The following CDH26 variants were observed in gnomAD, a reference collection of about 807,000 sequenced individuals.
CDH26 encodes the protein cadherin-like protein 26.
A neutral mutation model predicts 90.3 loss-of-function variants in CDH26; 83 were observed. That is an observed-to-expected ratio of 0.92 (90% CI 0.77 to 1.10). The LOEUF (loss-of-function observed/expected upper bound fraction) is 1.10. CDH26 is among the 50% of genes least tolerant of loss of function. The pLI is 0.00. For missense variants in CDH26, 1,013 were observed against 1,037.6 expected (o/e 0.98, Z 0.33); for synonymous variants, 397 against 396.3 (o/e 1.00, Z -0.02).
intron 7 of CDH26, among the ~76,000 whole-genome samples, chr20:59,985,552 A>T (rs571481340): frequency 1.3e-5 from 2 of 152,224 alleles, no homozygotes; most frequent in South Asian, 4.1e-4. Flanking sequence ...GGCCGGAGCT[A>T]TTTATGAGGG....
intron 14 of CDH26, among the ~76,000 whole-genome samples, chr20:60,000,319 C>T (rs1019207252): frequency 4.5e-4 from 69 of 152,328 alleles, no homozygotes; most frequent in African/African-American, 1.6e-3. Flanking sequence ...GTAGCTAAAT[C>T]TTCCATTCTA....
At position 60,006,807 on chromosome 20, in the gene CDH26, T is replaced by C. The variant is rs199891612; in HGVS notation, c.2295+20T>C. 6.3e-7 allele frequency: 1 copy of C among 1,589,496 alleles called. No homozygotes were observed. ...AATCAGGTAGGGAGAGCTCCCCTTGTGCTGTGCACTAGCTATGGGTTTTGC... is the reference window on the plus strand; with the variant it reads ...AATCAGGTAGGGAGAGCTCCCCTTGCGCTGTGCACTAGCTATGGGTTTTGC... On this transcript the variant is annotated intron_variant, in intron 17 of 17. Transcript: ENST00000348616.
At chr20:60,021,857 C>CACACACACACACACACAT (rs2061954836) in intron 7 of CDH26, among the ~76,000 whole-genome samples, 2 of 69,728 alleles carry the variant, frequency 2.9e-5, no homozygotes, top group African/African-American at 4.7e-5. Flanking sequence ...TGTACACACA[C>CACACACACACACACACAT]ACACACACAC....
At chr20:59,960,132 T>C (rs2061048823) in intron 1 of CDH26, among the ~76,000 whole-genome samples, 1 of 152,150 alleles carries the variant, frequency 6.6e-6, no homozygotes, top group African/African-American at 2.4e-5. Context: ...TTGGATCAAG[T>C]TGAACTTACC....
chr20:59,978,559 A>G (rs2145980604), intron 4 of CDH26, among the ~76,000 whole-genome samples: 1 of 152,006 alleles, frequency 6.6e-6, no homozygotes, highest in African/African-American at 2.4e-5. Context: ...CTTTTTGTAA[A>G]GGTGGGGTTT....
rs2061522926 is a variant in CDH26, at chr20:59,991,168, C to A, written c.1284-1210C>A. Among the ~76,000 whole-genome samples, 4 of 152,292 alleles carry A rather than the reference C, an allele frequency of 2.6e-5. No homozygotes were observed. In the South Asian group the frequency reaches 8.3e-4, roughly 32 times the overall value. ...ATTTCTAAGAAGCTCCCAAGGGTGC[C>A]CATGATGCTGGCTGGGGATCCCTTT... On this transcript the variant is annotated intron_variant, in intron 9 of 17. Transcript: ENST00000348616.
intron 4 of CDH26, among the ~76,000 whole-genome samples, chr20:59,973,714 G>A (rs567749606): frequency 6.6e-6 from 1 of 152,296 alleles, no homozygotes; most frequent in East Asian, 1.9e-4. Context: ...TTCCTGCAAA[G>A]GACATAATCC....
intron 4 of CDH26, among the ~76,000 whole-genome samples, chr20:59,974,987 C>A (rs997876762): frequency 6.6e-6 from 1 of 152,012 alleles, no homozygotes; most frequent in Non-Finnish European, 1.5e-5. Context: ...CTGCCATTGC[C>A]CCAGGGTCAA....
chr20:60,034,172 CAG>C (rs1033361861), downstream of CDH26, among the ~76,000 whole-genome samples: 7 of 152,282 alleles, frequency 4.6e-5, no homozygotes, highest in East Asian at 1.9e-4. Flanking sequence ...AACCCTGGGA[CAG>C]AGAGTGTCTC....
In CDH26 at chr20:60,006,890, G is replaced by A. The variant is rs138451752; in HGVS notation, c.2295+103G>A. 1.1e-5 allele frequency: 9 copies of A among 819,356 alleles called. No individual in the cohort carries two copies. In the Admixed American group the frequency reaches 1.3e-4, roughly 12 times the overall value. The allele number at this position is 819,356 out of a possible 1,614,324, so 50.8% of individuals were successfully genotyped here. A position where few individuals can be genotyped will look rare whatever the true frequency, so the allele number is the denominator to read the frequency against. On this transcript the variant is annotated intron_variant, in intron 17 of 17. Coordinates refer to ENST00000348616, the MANE Select transcript of CDH26 (RefSeq NM_177980.4). The stretch of plus-strand genomic sequence containing the variant: ...CACTTCCTCCTAAATCACTGCATTA[G>A]TCAGCTAAGGCTGCCATAATAAAAT...
intron 7 of CDH26, among the ~76,000 whole-genome samples, chr20:60,019,707 T>C (rs997760892): frequency 6.6e-6 from 1 of 152,220 alleles, no homozygotes; most frequent in African/African-American, 2.4e-5. Flanking sequence ...TGTTTCCTTA[T>C]AATTGGGGTC....
chr20:60,034,743 C>T (rs2062070841), downstream of CDH26, among the ~76,000 whole-genome samples: 1 of 152,226 alleles, frequency 6.6e-6, no homozygotes, highest in African/African-American at 2.4e-5. Context: ...TTGTCGGAGA[C>T]TGGAGCCAAG....
intron 1 of CDH26, among the ~76,000 whole-genome samples, chr20:59,961,938 T>G (rs537001372): frequency 1.1e-4 from 17 of 152,218 alleles, no homozygotes; most frequent in South Asian, 4.1e-4. Context: ...TTTTTTGTTG[T>G]TGGTGGTGGT....
Position 59,994,492 on chromosome 20 carries a change from G to A in CDH26, c.1666+3G>A, listed in dbSNP as rs746009878. ...ATGGAAGTTGGGGAGAAATTGGGGT[G>A]AGTTTTTGTATTGGTTACGGGCAAA... is the stretch of plus-strand genomic sequence containing the variant. On this transcript the variant is annotated splice_donor_region_variant and intron_variant, in intron 11 of 17. Transcript: ENST00000348616. 7.4e-6 allele frequency: 12 copies of A among 1,613,648 alleles called. No homozygotes were observed. Among genetic ancestry groups the A allele is most frequent in the South Asian group, 1.1e-5 (1 of 91,050 alleles).
chr20:60,021,922 A>AT (rs2061961911), intron 7 of CDH26, among the ~76,000 whole-genome samples: 2 of 142,746 alleles, frequency 1.4e-5, no homozygotes, highest in Non-Finnish European at 3.1e-5. Flanking sequence ...ATATATCCTG[A>AT]CTATTTTCAT....
chr20:59,970,654 C>T (rs1439843250), intron 3 of CDH26, among the ~76,000 whole-genome samples: 4 of 151,462 alleles, frequency 2.6e-5, no homozygotes, highest in Non-Finnish European at 5.9e-5. Context: ...ACTAAAAATA[C>T]AAAAAATTAA....
In CDH26 at chr20:60,030,134, A is replaced by T. The variant is rs1312208962; in HGVS notation, c.948-1097A>T. Among the ~76,000 whole-genome samples, 4 of 152,204 alleles carry T rather than the reference A, an allele frequency of 2.6e-5. No homozygotes were observed. The highest frequency in any genetic ancestry group is 6.5e-5 in the Admixed American group (1 of 15,282). On this transcript the variant is annotated intron_variant, in intron 7 of 8. Coordinates refer to the CDH26 transcript ENST00000370991. This position sits in a 1 kb window ranked among gnomAD's most constrained non-coding sequence, Gnocchi z 4.0. ...TAATATAAAAAAAGACATATATTGA[A>T]TATCTACAATCTGATATGATAGTAT... is the stretch of plus-strand genomic sequence containing the variant.
chr20:60,026,244 C>T (rs759773948), intron 7 of CDH26, among the ~76,000 whole-genome samples: 1 of 152,188 alleles, frequency 6.6e-6, no homozygotes, highest in Non-Finnish European at 1.5e-5. Flanking sequence ...ATACTCTAAT[C>T]TGGCATTACT....
At chr20:59,982,742 G>A (rs62205076) in intron 4 of CDH26, among the ~76,000 whole-genome samples, 181 bp from the exon 5 acceptor site, 173 of 152,248 alleles carry the variant, frequency 1.1e-3, no homozygotes, top group Admixed American at 3.1e-3. Context: ...CCTAATCTGT[G>A]CCAGTACTGT....
Sources: allele counts gnomAD v4.1 joint callset (sites outside exome capture counted in the v4.1 genomes callset), GRCh38; gene constraint gnomAD v4.1.1; non-coding constraint Gnocchi (gnomAD v3.1); transcripts MANE v1.5; gene names NCBI Gene and HGNC (gene_info 2026-07-23, HGNC 2026-07-21).